EBF3: variants seen among roughly 807,000 people sequenced by gnomAD.
EBF3 encodes transcription factor COE3.
In EBF3, 18 loss-of-function variants were observed where a neutral mutation model predicts 77.1. That is an observed-to-expected ratio of 0.23 (90% CI 0.16 to 0.35). The LOEUF (loss-of-function observed/expected upper bound fraction) is 0.35, where lower values mean the gene tolerates loss of function less well. Among genes scored for constraint, EBF3 ranks in the 10% least tolerant of loss-of-function variants. The probability of loss-of-function intolerance (pLI) is 1.00; values close to 1 mark genes in which losing one functional copy is unlikely to be tolerated. For missense variants in EBF3, 558 were observed against 860.0 expected (o/e 0.65, Z 4.39); for synonymous variants, 350 against 343.5 (o/e 1.02, Z -0.21).
intron 10 of EBF3, among the ~76,000 whole-genome samples, chr10:129,850,465 T>C (rs1850789988): frequency 6.6e-6 from 1 of 152,188 alleles, no homozygotes; most frequent in Admixed American, 6.5e-5. Flanking sequence ...AGAGCACTTA[T>C]GTCTTGAAAG....
At chr10:129,959,088 G>C (rs1859272439) in intron 4 of EBF3, 81 bp from the exon 5 acceptor site, 13 of 1,552,158 alleles carry the variant, frequency 8.4e-6, no homozygotes, top group Non-Finnish European at 1.8e-6. Flanking sequence ...CTGCAGGCCT[G>C]GCTGGCAGCA....
intron 5 of EBF3, 148 bp from the exon 6 acceptor site, chr10:129,957,474 C>CGTGTTCTGCGGCT (rs1337091291): frequency 1.6e-6 from 1 of 630,090 alleles, no homozygotes; most frequent in Non-Finnish European, 2.7e-6. Context: ...AGTGAGTTCA[C>CGTGTTCTGCGGCT]GTGTTCTGCG....
At chr10:129,892,801 G>A (rs932308423) in intron 6 of EBF3, among the ~76,000 whole-genome samples, 1 of 152,178 alleles carries the variant, frequency 6.6e-6, no homozygotes, top group African/African-American at 2.4e-5. Flanking sequence ...ACATCGAAAC[G>A]AGGCATAACA....
chr10:129,839,325 CTTAAT>C, intron 15 of EBF3, 130 bp from the exon 16 acceptor site: 1 of 413,550 alleles, frequency 2.4e-6, no homozygotes. Context: ...ATGACGGCCA[CTTAAT>C]TTAAGTGCCT....
At chr10:129,939,838 A>T (rs903582916) in intron 6 of EBF3, among the ~76,000 whole-genome samples, 1 of 152,208 alleles carries the variant, frequency 6.6e-6, no homozygotes, top group Non-Finnish European at 1.5e-5. Context: ...AACCGACCTT[A>T]CGGTTGCACT....
Position 129,877,012 on chromosome 10 carries a change from A to G in EBF3, c.636+756T>C, listed in dbSNP as rs549687292. 4.3e-4 allele frequency among the ~76,000 whole-genome samples: 65 copies of G among 151,852 alleles called. 2 individuals carry two copies. Among genetic ancestry groups the G allele is most frequent in the Middle Eastern group, 6.8e-3 (2 of 292 alleles). Reference sequence around the variant, plus strand: ...ATGCAACTAGCATGGAAAGTGGGCAATAAGAACACAGTAAACCTCGGGGGA... The same window carrying G: ...ATGCAACTAGCATGGAAAGTGGGCAGTAAGAACACAGTAAACCTCGGGGGA... On this transcript the variant is annotated intron_variant, in intron 7 of 16. Transcript: ENST00000440978.
intron 8 of EBF3, among the ~76,000 whole-genome samples, chr10:129,869,355 C>G (rs535229380): frequency 2.0e-5 from 3 of 152,196 alleles, no homozygotes; most frequent in Non-Finnish European, 4.4e-5. Context: ...AGTAACTAAG[C>G]TTGGTAAACA....
chr10:129,867,987 CGTCCCGCG>C, intron 8 of EBF3, 75 bp from the exon 9 acceptor site: 2 of 1,566,164 alleles, frequency 1.3e-6, no homozygotes, highest in Non-Finnish European at 1.7e-6. Flanking sequence ...GGCCACCGCG[CGTCCCGCG>C]GCCACCGCGG....
At chr10:129,924,432 AAAAAAAAAAAAAAC>A (rs1012095083) in intron 6 of EBF3, among the ~76,000 whole-genome samples, 2 of 123,112 alleles carry the variant, frequency 1.6e-5, no homozygotes, top group Non-Finnish European at 3.5e-5. Flanking sequence ...AACAACAACA[AAAAAAAAAAAAAAC>A]AAAAAACAAA....
At chr10:129,894,558 T>C (rs1197841406) in intron 6 of EBF3, among the ~76,000 whole-genome samples, 1 of 152,118 alleles carries the variant, frequency 6.6e-6, no homozygotes, top group Non-Finnish European at 1.5e-5. Context: ...CAGCTCCTCC[T>C]CAGACCGAGC....
At chr10:129,889,401 C>A (rs2134187577) in intron 6 of EBF3, among the ~76,000 whole-genome samples, 1 of 152,362 alleles carries the variant, frequency 6.6e-6, no homozygotes, top group East Asian at 1.9e-4. Flanking sequence ...GGGCTGGGAG[C>A]AGCTCCTGCC....
chr10:129,835,502 C>G lies in EBF3; in HGVS notation c.*2441G>C, dbSNP rs1456745449. On this transcript the variant is annotated 3_prime_UTR_variant, in exon 17 of 17. Transcript: ENST00000440978. ...CAAACCAAGTGAGGGCATGGGGAAG[C>G]TGGCAGGCGTTCTCAGTGCGTCCAT... The G allele has an allele frequency of 6.6e-6, 1 of 152,228 alleles. No homozygotes were observed. The highest frequency in any genetic ancestry group is 2.4e-5 in the African/African-American group (1 of 41,470). The allele number at this position is 152,228 out of a possible 1,614,324, so 9.4% of individuals were successfully genotyped here. A position where few individuals can be genotyped will look rare whatever the true frequency, so the allele number is the denominator to read the frequency against.
chr10:129,919,754 A>G (rs1387357133), intron 6 of EBF3, among the ~76,000 whole-genome samples: 3 of 152,160 alleles, frequency 2.0e-5, no homozygotes, highest in Non-Finnish European at 4.4e-5. Context: ...GCAGATGAGC[A>G]GGTCTCACTA....
chr10:129,914,995 G>C (rs746943712), intron 6 of EBF3, among the ~76,000 whole-genome samples: 4 of 152,228 alleles, frequency 2.6e-5, no homozygotes, highest in Admixed American at 6.5e-5. Context: ...CTGTGGGACA[G>C]AGCCCCTGAG....
chr10:129,915,601 G>C (rs1217482400), intron 6 of EBF3, among the ~76,000 whole-genome samples: 1 of 152,170 alleles, frequency 6.6e-6, no homozygotes, highest in Non-Finnish European at 1.5e-5. Flanking sequence ...CGACAGCCCA[G>C]ACATCAATGC....
chr10:129,934,757 G>A (rs760209646), intron 6 of EBF3, among the ~76,000 whole-genome samples: 1 of 152,108 alleles, frequency 6.6e-6, no homozygotes, highest in Non-Finnish European at 1.5e-5. Flanking sequence ...TGACAGGCAC[G>A]ATTTCCACAT....
rs1420196496 is a variant in EBF3, at chr10:129,840,258, C to A, written c.1746G>T (p.Gly582=). 1 of 1,541,156 alleles carries A rather than the reference C, an allele frequency of 6.5e-7. No individual in the cohort carries two copies. The highest frequency in any genetic ancestry group is 8.8e-7 in the Non-Finnish European group (1 of 1,137,876). The change falls in exon 15 of 17, where the codon GGG becomes GGT. Residue 582 remains glycine, a synonymous_variant. Coordinates refer to ENST00000440978, the MANE Select transcript of EBF3 (RefSeq NM_001375380.1). ...CACCACCCTCACCTTGCAGTCCATT[C>A]CCGTTGGCGCTGGTGCAGGAAGGAG... ...SPPPSCTSAN[G]NGLQGSLLGA...
At chr10:129,913,307 T>C (rs779314849) in intron 6 of EBF3, among the ~76,000 whole-genome samples, 4 of 152,266 alleles carry the variant, frequency 2.6e-5, no homozygotes, top group Admixed American at 6.5e-5. Flanking sequence ...CATTTTCTCC[T>C]GGTGGCCCCC....
At chr10:129,843,097 TGG>T in intron 12 of EBF3, 38 bp downstream of exon 12, 1 of 1,586,426 alleles carries the variant, frequency 6.3e-7, no homozygotes, top group Admixed American at 1.7e-5. Flanking sequence ...GGTTCTGGCA[TGG>T]GGGGGAGGAT....
Sources: allele counts gnomAD v4.1 joint callset (sites outside exome capture counted in the v4.1 genomes callset), GRCh38; gene constraint gnomAD v4.1.1; transcripts MANE v1.5; gene names NCBI Gene and HGNC (gene_info 2026-07-23, HGNC 2026-07-21).